GINS4: variants seen among roughly 807,000 people sequenced by gnomAD.
GINS4 encodes GINS complex subunit 4, also known as DNA replication complex GINS protein SLD5.
In GINS4, 20 loss-of-function variants were observed where a neutral mutation model predicts 31.1. The ratio of observed to expected loss-of-function variants is 0.64; its 90% CI spans 0.45 to 0.93. The LOEUF (loss-of-function observed/expected upper bound fraction) is 0.93. Among genes scored for constraint, GINS4 ranks in the 40% least tolerant of loss-of-function variants. The pLI is 0.00. For missense variants in GINS4, 245 were observed against 273.9 expected (o/e 0.89, Z 0.75); for synonymous variants, 85 against 97.9 (o/e 0.87, Z 0.78).
intron 3 of GINS4, 77 bp downstream of exon 3, chr8:41,536,523 T>G: frequency 1.2e-6 from 1 of 816,314 alleles, no homozygotes; most frequent in Non-Finnish European, 2.1e-6. Flanking sequence ...GAGCTTGTGG[T>G]CTGGTAGCAA....
At position 41,544,041 on chromosome 8, in the gene GINS4, TACTCGTGCAGTCCCTGGAGG is replaced by T. The variant is rs1806891562; in HGVS notation, c.*1955_*1974del. On this transcript the variant is annotated 3_prime_UTR_variant, in exon 8 of 8. Transcript: ENST00000276533. ...TTTATTTCTTGACAAAGGTATTTGA[TACTCGTGCAGTCCCTGGAGG>T]GTCTCACTGGAGAGACAACATTTAG... is the stretch of plus-strand genomic sequence containing the variant. The T allele has an allele frequency of 6.6e-6, 1 of 152,198 alleles. No homozygotes were observed. Among genetic ancestry groups the T allele is most frequent in the South Asian group, 2.1e-4 (1 of 4,814 alleles). The allele number at this position is 152,198 out of a possible 1,614,324, so 9.4% of individuals were successfully genotyped here. A position where few individuals can be genotyped will look rare whatever the true frequency, so the allele number is the denominator to read the frequency against.
At chr8:41,533,195 A>C (rs1374323258) in intron 2 of GINS4, among the ~76,000 whole-genome samples, 1 of 152,268 alleles carries the variant, frequency 6.6e-6, no homozygotes, top group Non-Finnish European at 1.5e-5. Context: ...AATGTAGAAC[A>C]ATAACAACCA....
Position 41,542,091 on chromosome 8 carries a change from T to G in GINS4, c.*4T>G, listed in dbSNP as rs1271948802. ...TGGAGCTGTCCAGCTAATTTAAAAC[T>G]AGGCATAAACAGCCAGGCATGGTGA... On this transcript the variant is annotated 3_prime_UTR_variant, in exon 8 of 8. Coordinates refer to ENST00000276533, the MANE Select transcript of GINS4 (RefSeq NM_032336.3). 6.2e-7 allele frequency: 1 copy of G among 1,610,198 alleles called. No homozygotes were observed.
chr8:41,542,659 ACTAGGC>A lies in GINS4; in HGVS notation c.*573_*578del, dbSNP rs1374509858. ...GAGACTCCATTTCCAAAAAAAACAC[ACTAGGC>A]GTAAACAAGAATGAAGACCTGGAAC... On this transcript the variant is annotated 3_prime_UTR_variant, in exon 8 of 8. Transcript: ENST00000276533. 8.2e-4 allele frequency: 127 copies of A among 155,456 alleles called. 1 individual carries two copies. Among genetic ancestry groups the A allele is most frequent in the South Asian group, 8.0e-3 (41 of 5,126 alleles). 9.6% of individuals were successfully genotyped at this position (155,456 alleles called of 1,614,324 possible). A position where few individuals can be genotyped will look rare whatever the true frequency, so the allele number is the denominator to read the frequency against.
chr8:41,542,457 GCTACTAAACCCCATCT>G lies in GINS4; in HGVS notation c.*382_*397del, dbSNP rs1806860809. The G allele has an allele frequency of 3.8e-6, 1 of 259,850 alleles. No individual in the cohort carries two copies. Among genetic ancestry groups the G allele is most frequent in the African/African-American group, 2.2e-5 (1 of 44,966 alleles). The allele number at this position is 259,850 out of a possible 1,614,324, so 16.1% of individuals were successfully genotyped here. ...AGGTCAGGAGATCAAGACCATCCTG[GCTACTAAACCCCATCT>G]CTACTAAACCCATCTCTACTAAAAA... On this transcript the variant is annotated 3_prime_UTR_variant, in exon 8 of 8. Coordinates refer to ENST00000276533, the MANE Select transcript of GINS4 (RefSeq NM_032336.3).
rs962723389 is a variant in GINS4 at position 41,540,076 on chromosome 8, T to A, written c.484+72T>A. The A allele has an allele frequency of 1.3e-5, 14 of 1,061,984 alleles. No individual in the cohort carries two copies. The African/African-American group carries it at 2.0e-4, about 15-fold the overall frequency. 65.8% of individuals were successfully genotyped at this position (1,061,984 alleles called of 1,614,324 possible). On this transcript the variant is annotated intron_variant, in intron 6 of 7. Coordinates refer to ENST00000276533, the MANE Select transcript of GINS4 (RefSeq NM_032336.3). ...TCCCAGGGTAGGATCCTCTCTTCAC[T>A]GTTTTTACCCAAATACAAAAAAGTA...
At position 41,537,284 on chromosome 8, in the gene GINS4, C is replaced by T; in HGVS notation, c.288C>T (p.Arg96=). 6.2e-7 allele frequency: 1 copy of T among 1,610,314 alleles called. No homozygotes were observed. The highest frequency in any genetic ancestry group is 8.5e-7 in the Non-Finnish European group (1 of 1,177,162). Residue 96 remains arginine (R), a synonymous_variant, in exon 4 of 8, where the codon CGC becomes CGT. Coordinates refer to ENST00000276533, the MANE Select transcript of GINS4 (RefSeq NM_032336.3). ...RYVLSSYLRC[R]LMKIEKFFPH... ...TCCTCAGCAGCTACTTGCGGTGTCGCCTCATGAAGGTTTGACGTGGAGATA... is the reference window on the plus strand; with the variant it reads ...TCCTCAGCAGCTACTTGCGGTGTCGTCTCATGAAGGTTTGACGTGGAGATA...
Position 41,539,773 on chromosome 8 carries a change from AGAGT to A in GINS4, c.395+10_395+13del. Reference sequence around the variant, plus strand: ...CGCCGGAAGAGTTGGCCTTTGCCAGAGAGTGAGTGAGTGAGCCGTTGGCGTGGGG... The same window carrying A: ...CGCCGGAAGAGTTGGCCTTTGCCAGAGAGTGAGTGAGCCGTTGGCGTGGGG... On this transcript the variant is annotated splice_donor_variant and coding_sequence_variant, in exon 5 of 8. Coordinates refer to ENST00000276533, the MANE Select transcript of GINS4 (RefSeq NM_032336.3). LOFTEE classifies it high-confidence loss of function. 13 of 1,613,314 alleles carry A rather than the reference AGAGT, an allele frequency of 8.1e-6. No homozygotes were observed. The Admixed American group carries it at 8.3e-5, about 10-fold the overall frequency.
intron 6 of GINS4, among the ~76,000 whole-genome samples, chr8:41,540,875 G>T (rs954655872): frequency 2.6e-5 from 4 of 152,182 alleles, no homozygotes; most frequent in Non-Finnish European, 4.4e-5. Flanking sequence ...TGGAGACTGG[G>T]AAGTCCAGGA....
At chr8:41,539,852 GC>G (rs1430161765) in intron 5 of GINS4, 63 bp from the exon 6 acceptor site, 4 of 1,582,850 alleles carry the variant, frequency 2.5e-6, no homozygotes, top group Non-Finnish European at 3.5e-6. Flanking sequence ...GTGCGCTGCT[GC>G]CTGCTAACCT....
rs756212090 is a variant in GINS4, at chr8:41,537,279, T to C, written c.283T>C (p.Cys95Arg). 6.2e-7 allele frequency: 1 copy of C among 1,611,594 alleles called. No individual in the cohort carries two copies. Among genetic ancestry groups the C allele is most frequent in the East Asian group, 2.2e-5 (1 of 44,860 alleles). ...IRYVLSSYLR[C>R]RLMKIEKFFP... ...CTACGTCCTCAGCAGCTACTTGCGG[T>C]GTCGCCTCATGAAGGTTTGACGTGG... Residue 95 changes from cysteine to arginine, a missense_variant, in exon 4 of 8, where the codon TGT (cysteine) becomes CGT (arginine). Physicochemically the swap from Cys to Arg is radical, Grantham distance 180. Coordinates refer to ENST00000276533, the MANE Select transcript of GINS4 (RefSeq NM_032336.3).
chr8:41,532,060 C>A (rs551397051), intron 2 of GINS4, among the ~76,000 whole-genome samples: 2 of 152,220 alleles, frequency 1.3e-5, no homozygotes, highest in African/African-American at 4.8e-5. Context: ...CTGCCTTAGC[C>A]TCCCAAAGTG....
intron 4 of GINS4, among the ~76,000 whole-genome samples, chr8:41,539,319 C>CA (rs36097557): frequency 0.17 from 9,350 of 53,604 alleles, 898 homozygotes; most frequent in Middle Eastern, 0.22. Context: ...GACTCCATCT[C>CA]AAAAAAAAAA....
At chr8:41,536,220 C>A in intron 2 of GINS4, 140 bp from the exon 3 acceptor site, 1 of 710,358 alleles carries the variant, frequency 1.4e-6, no homozygotes, top group Non-Finnish European at 2.6e-6. Flanking sequence ...GTCTTCAAAA[C>A]ACCTTCAATG....
At chr8:41,529,556 A>G (rs1806619631) in intron 1 of GINS4, 160 bp downstream of exon 1, 1 of 152,232 alleles carries the variant, frequency 6.6e-6, no homozygotes, top group African/African-American at 2.4e-5. Flanking sequence ...CGACTGGTCT[A>G]ATGTCGCCGG....
chr8:41,537,272 C>T lies in GINS4; in HGVS notation c.276C>T (p.Tyr92=). The T allele has an allele frequency of 6.2e-7, 1 of 1,612,944 alleles. No homozygotes were observed. The highest frequency in any genetic ancestry group is 8.5e-7 in the Non-Finnish European group (1 of 1,179,160). The change falls in exon 4 of 8, where the codon TAC becomes TAT. Residue 92 remains tyrosine, a synonymous_variant. Coordinates refer to ENST00000276533, the MANE Select transcript of GINS4 (RefSeq NM_032336.3). ...MERIRYVLSS[Y]LRCRLMKIEK... ...GGATCCGCTACGTCCTCAGCAGCTA[C>T]TTGCGGTGTCGCCTCATGAAGGTTT...
intron 2 of GINS4, among the ~76,000 whole-genome samples, chr8:41,532,880 G>A (rs78597826): frequency 0.012 from 1,831 of 151,392 alleles, 31 homozygotes; most frequent in African/African-American, 0.039. Flanking sequence ...CTTATATACT[G>A]CCGTGGGATA....
chr8:41,539,821 T>TGAGGCCTGTCCTA, intron 5 of GINS4, 46 bp downstream of exon 5: 1 of 1,588,238 alleles, frequency 6.3e-7, no homozygotes. Flanking sequence ...TGGTTCAGCA[T>TGAGGCCTGTCCTA]GAGGCCTGTC....
chr8:41,534,305 G>A, intron 2 of GINS4: 1 of 392,848 alleles, frequency 2.5e-6, no homozygotes, highest in Non-Finnish European at 5.2e-6. Flanking sequence ...TACTCTGGAG[G>A]CTGAGGCAGG....
Sources: gnomAD v4.1 joint callset for allele counts (sites outside exome capture counted in the v4.1 genomes callset) on GRCh38, gnomAD v4.1.1 for gene constraint, MANE v1.5 for transcripts, NCBI Gene and HGNC (gene_info 2026-07-23, HGNC 2026-07-21) for gene names.